PHACTR3: variants seen among roughly 807,000 people sequenced by gnomAD.
PHACTR3 encodes the protein phosphatase and actin regulator 3.
A neutral mutation model predicts 66.8 loss-of-function variants in PHACTR3; 16 were observed. That is an observed-to-expected ratio of 0.24 (90% CI 0.16 to 0.36). PHACTR3 has a LOEUF of 0.36. Ranked by LOEUF, PHACTR3 falls within the 10% of genes least tolerant of loss-of-function variation. PHACTR3 has a pLI of 1.00. For synonymous variants in PHACTR3, 323 were observed against 292.1 expected, an observed-to-expected ratio of 1.11 and a Z score of -1.08; for missense variants, 647 against 719.9, an observed-to-expected ratio of 0.90 and a Z score of 1.16.
intron 1 of PHACTR3, among the ~76,000 whole-genome samples, chr20:59,674,427 C>A (rs528306662): frequency 7.7e-6 from 1 of 129,170 alleles, no homozygotes; most frequent in Admixed American, 7.8e-5. Flanking sequence ...CTTCTCCTGT[C>A]CCCCCTTCTC....
At chr20:59,776,759 G>A (rs1166624860) in intron 7 of PHACTR3, among the ~76,000 whole-genome samples, 1 of 152,150 alleles carries the variant, frequency 6.6e-6, no homozygotes, top group Non-Finnish European at 1.5e-5. Flanking sequence ...GCGTGGTTGA[G>A]CCAGCAGCGT....
intron 1 of PHACTR3, among the ~76,000 whole-genome samples, chr20:59,742,605 AG>A (rs2039209052): frequency 6.6e-6 from 1 of 152,094 alleles, no homozygotes; most frequent in Admixed American, 6.5e-5. Context: ...AGGCAGGCAG[AG>A]GTCTTTGCGG....
upstream of PHACTR3, among the ~76,000 whole-genome samples, chr20:59,600,614 C>G (rs2033449519): frequency 6.6e-6 from 1 of 152,172 alleles, no homozygotes; most frequent in Non-Finnish European, 1.5e-5. Context: ...GTGATGTGCT[C>G]CCTGGCTGCC....
At chr20:59,792,240 T>A (rs1039846554) in intron 7 of PHACTR3, among the ~76,000 whole-genome samples, 1 of 152,250 alleles carries the variant, frequency 6.6e-6, no homozygotes, top group Non-Finnish European at 1.5e-5. Context: ...ACATATGGGT[T>A]GTTTTTAGTT....
intron 1 of PHACTR3, among the ~76,000 whole-genome samples, chr20:59,719,736 C>T (rs1009786062): frequency 6.6e-6 from 1 of 152,186 alleles, no homozygotes; most frequent in Non-Finnish European, 1.5e-5. Context: ...GCTTCCCAAA[C>T]TAGTTGGTTT....
In PHACTR3 at chr20:59,682,809, C is replaced by T. The variant is rs2036713289; in HGVS notation, c.119-60298C>T. On this transcript the variant is annotated intron_variant, in intron 1 of 12. Transcript: ENST00000371015. ...GTTCCAGGAACAGGGAGGAGGAGCC[C>T]GTGGTGGCTGGAGTCACATGAGATT... Among the ~76,000 whole-genome samples, 2 of 152,054 alleles carry T rather than the reference C, an allele frequency of 1.3e-5. 1 individual carries two copies. Among genetic ancestry groups the T allele is most frequent in the South Asian group, 4.1e-4 (2 of 4,828 alleles).
At chr20:59,593,824 C>A (rs1395755081) in intron 1 of PHACTR3, among the ~76,000 whole-genome samples, 1 of 152,200 alleles carries the variant, frequency 6.6e-6, no homozygotes, top group Non-Finnish European at 1.5e-5. Context: ...TTATGTGGAT[C>A]AATTCCTGAG....
chr20:59,627,160 A>T (rs1432970037), intron 1 of PHACTR3, among the ~76,000 whole-genome samples: 1 of 152,208 alleles, frequency 6.6e-6, no homozygotes, highest in African/African-American at 2.4e-5. Flanking sequence ...CCAGGCATGC[A>T]TCCTTTAGGT....
intron 4 of PHACTR3, among the ~76,000 whole-genome samples, chr20:59,763,060 AC>A (rs928141593): frequency 4.6e-5 from 7 of 152,146 alleles, no homozygotes; most frequent in African/African-American, 1.7e-4. Context: ...TATAATCCCC[AC>A]AATCCCCATA....
intron 3 of PHACTR3, among the ~76,000 whole-genome samples, chr20:59,750,885 T>A (rs2039554203): frequency 6.6e-6 from 1 of 152,228 alleles, no homozygotes; most frequent in Non-Finnish European, 1.5e-5. Flanking sequence ...GGCCACAGGC[T>A]CCCGGCTAAA....
intron 1 of PHACTR3, among the ~76,000 whole-genome samples, chr20:59,722,203 G>A (rs2038336811): frequency 6.6e-6 from 1 of 151,926 alleles, no homozygotes; most frequent in African/African-American, 2.4e-5. Flanking sequence ...CTGCACTCCA[G>A]CCTGGGCAGC....
chr20:59,778,966 G>A (rs909134059), intron 7 of PHACTR3, among the ~76,000 whole-genome samples: 22 of 152,326 alleles, frequency 1.4e-4, no homozygotes, highest in Non-Finnish European at 2.5e-4. Flanking sequence ...CAGGCCCACC[G>A]CTGTCTGCAC....
intron 1 of PHACTR3, among the ~76,000 whole-genome samples, chr20:59,671,566 T>C (rs1417709206): frequency 6.6e-6 from 1 of 152,238 alleles, no homozygotes; most frequent in African/African-American, 2.4e-5. Flanking sequence ...AACATTTAAA[T>C]GTAGGGAGAT....
At chr20:59,580,145 A>T (rs1050985043) in intron 1 of PHACTR3, among the ~76,000 whole-genome samples, 1 of 151,910 alleles carries the variant, frequency 6.6e-6, no homozygotes, top group African/African-American at 2.4e-5. Context: ...TGAGGCAGAG[A>T]GTGTGGCTGG....
chr20:59,764,291 G>A (rs2040103026), intron 4 of PHACTR3, among the ~76,000 whole-genome samples: 1 of 151,974 alleles, frequency 6.6e-6, no homozygotes. Flanking sequence ...CTTCCTCCCT[G>A]GTATGAGGAC....
intron 8 of PHACTR3, among the ~76,000 whole-genome samples, chr20:59,834,154 C>T (rs1465530264): frequency 6.6e-6 from 1 of 152,206 alleles, no homozygotes; most frequent in Admixed American, 6.5e-5. Flanking sequence ...AGTACCTTTT[C>T]ATGGGTAAAA....
rs751526214 is a variant in PHACTR3 at position 59,847,152 on chromosome 20, T to C, written c.*22T>C. 4 of 1,505,464 alleles carry C rather than the reference T, an allele frequency of 2.7e-6. No homozygotes were observed. The South Asian group carries it at 3.5e-5, about 13-fold the overall frequency. The allele number at this position is 1,505,464 out of a possible 1,614,324, so 93.3% of individuals were successfully genotyped here. On this transcript the variant is annotated 3_prime_UTR_variant, in exon 13 of 13. Coordinates refer to ENST00000371015, the MANE Select transcript of PHACTR3 (RefSeq NM_080672.5). ...ATAGAGATTTTCTTCTGAGAAGAAT[T>C]TGTGTTTAATTTTTTGATACCAACA...
chr20:59,662,165 G>A (rs1262795750), intron 1 of PHACTR3, among the ~76,000 whole-genome samples: 2 of 152,136 alleles, frequency 1.3e-5, no homozygotes, highest in African/African-American at 4.8e-5. Context: ...TAGGATTCTG[G>A]TGGTGAACAA....
intron 7 of PHACTR3, among the ~76,000 whole-genome samples, chr20:59,792,011 C>T (rs908082692): frequency 6.6e-6 from 1 of 152,122 alleles, no homozygotes; most frequent in Admixed American, 6.5e-5. Flanking sequence ...GATCTGCCTC[C>T]TCTTCTTTGT....
Sources: gnomAD v4.1 joint callset for allele counts (sites outside exome capture counted in the v4.1 genomes callset) on GRCh38, gnomAD v4.1.1 for gene constraint, MANE v1.5 for transcripts, NCBI Gene and HGNC (gene_info 2026-07-23, HGNC 2026-07-21) for gene names.